The following PDZRN3 variants were observed in gnomAD, a reference collection of about 807,000 sequenced individuals.
PDZRN3 encodes the protein E3 ubiquitin-protein ligase PDZRN3.
PDZRN3 carries 38 observed loss-of-function variants against 85.7 expected under a neutral mutation model. The observed-to-expected ratio is 0.44, with a 90% CI of 0.34 to 0.58. The LOEUF is 0.58. Among genes scored for constraint, PDZRN3 ranks in the 20% least tolerant of loss-of-function variants. The pLI is 0.01. For missense variants in PDZRN3, 1,629 were observed against 1,506.4 expected (o/e 1.08, Z -1.35); for synonymous variants, 759 against 638.0 (o/e 1.19, Z -2.86).
chr3:73,390,892 G>A, intron 6 of PDZRN3, 126 bp downstream of exon 6: 1 of 660,968 alleles, frequency 1.5e-6, no homozygotes, highest in Non-Finnish European at 2.7e-6. Flanking sequence ...GTGTGATGAG[G>A]GGGACAGAAT....
At chr3:73,567,133 A>G (rs1701963180) in intron 3 of PDZRN3, among the ~76,000 whole-genome samples, 1 of 152,324 alleles carries the variant, frequency 6.6e-6, no homozygotes. Context: ...CCAGAACAGA[A>G]TTGTTCTGGT....
At chr3:73,511,157 CT>C (rs1233545023) in intron 3 of PDZRN3, among the ~76,000 whole-genome samples, 1 of 152,102 alleles carries the variant, frequency 6.6e-6, no homozygotes, top group Non-Finnish European at 1.5e-5. Flanking sequence ...CTCTTTCATG[CT>C]TTTCTCTATT....
Position 73,384,864 on chromosome 3 carries a change from C to T in PDZRN3, c.1702G>A (p.Asp568Asn). The T allele has an allele frequency of 6.2e-7, 1 of 1,614,032 alleles. No individual in the cohort carries two copies. Among genetic ancestry groups the T allele is most frequent in the Non-Finnish European group, 8.5e-7 (1 of 1,179,932 alleles). Reference protein sequence around the residue: ...ATILSNQHEKDSGVGRTDEST... With the variant: ...ATILSNQHEKNSGVGRTDEST... The stretch of plus-strand genomic sequence containing the variant: ...TCGTCGGTCCGCCCCACACCGCTGT[C>T]CTTCTCGTGCTGGTTGGACAAGATG... The change falls in exon 10 of 10, where the codon GAC (aspartate) becomes AAC (asparagine). Residue 568 changes from aspartate (D) to asparagine (N), a missense_variant. Coordinates refer to ENST00000263666, the MANE Select transcript of PDZRN3 (RefSeq NM_015009.3).
Position 73,389,867 on chromosome 3 carries a change from G to T in PDZRN3, c.1365C>A (p.Asn455Lys), listed in dbSNP as rs953144011. Residue 455 changes from asparagine (N) to lysine (K), a missense_variant, in exon 7 of 10, where the codon AAC becomes AAA. Transcript: ENST00000263666. Reference protein sequence around the residue: ...IGIYISEIDPNSIAAKDGRIR... With the variant: ...IGIYISEIDPKSIAAKDGRIR... ...TGCGCCCATCCTTGGCTGCAATGCT[G>T]TTAGGGTCAATCTGAAACACACATG... 1.9e-6 allele frequency: 3 copies of T among 1,613,452 alleles called. No homozygotes were observed. Among genetic ancestry groups the T allele is most frequent in the Non-Finnish European group, 2.5e-6 (3 of 1,179,352 alleles).
At chr3:73,475,189 G>A (rs1220433506) in intron 3 of PDZRN3, among the ~76,000 whole-genome samples, 1 of 152,116 alleles carries the variant, frequency 6.6e-6, no homozygotes, top group Non-Finnish European at 1.5e-5. Flanking sequence ...ATTTTCTTCC[G>A]TTTTAATTCA....
rs181033091 is a variant in PDZRN3 at position 73,497,642 on chromosome 3, C to T, written c.919-93247G>A. On this transcript the variant is annotated intron_variant, in intron 3 of 9. Coordinates refer to ENST00000263666, the MANE Select transcript of PDZRN3 (RefSeq NM_015009.3). ...GACAGCGTCCTGAAACTCTACGTAC[C>T]CATCACCCAGCTTAAACAGTTATCA... 1.9e-3 allele frequency among the ~76,000 whole-genome samples: 290 copies of T among 152,294 alleles called. 1 individual carries two copies. The highest frequency in any genetic ancestry group is 5.0e-3 in the South Asian group (24 of 4,820).
At chr3:73,544,279 T>A (rs1701367279) in intron 3 of PDZRN3, among the ~76,000 whole-genome samples, 1 of 152,240 alleles carries the variant, frequency 6.6e-6, no homozygotes, top group Non-Finnish European at 1.5e-5. Context: ...TTTCTACTGT[T>A]ATTCTACTCC....
chr3:73,438,952 G>C (rs11707945), intron 3 of PDZRN3, among the ~76,000 whole-genome samples: 355 of 152,332 alleles, frequency 2.3e-3, no homozygotes, highest in Admixed American at 6.2e-3. Context: ...TCTACACATA[G>C]GCCATGACCT....
intron 3 of PDZRN3, among the ~76,000 whole-genome samples, chr3:73,574,465 G>GT (rs1702091268): frequency 1.4e-5 from 2 of 138,750 alleles, no homozygotes; most frequent in East Asian, 2.2e-4. Flanking sequence ...GGTGGGGGGG[G>GT]TGGGGAGGGC....
At chr3:73,398,247 C>G (rs541389783) in intron 5 of PDZRN3, among the ~76,000 whole-genome samples, 1 of 152,270 alleles carries the variant, frequency 6.6e-6, no homozygotes, top group East Asian at 1.9e-4. Context: ...TAATGTTACA[C>G]TGCAGGGACA....
intron 3 of PDZRN3, among the ~76,000 whole-genome samples, chr3:73,421,957 A>G (rs1702213079): frequency 6.6e-6 from 1 of 152,108 alleles, no homozygotes; most frequent in East Asian, 1.9e-4. Flanking sequence ...AAGTACTTCC[A>G]TTTTACAGAG....
In PDZRN3 at chr3:73,424,943, C is replaced by T. The variant is rs543069964; in HGVS notation, c.919-20548G>A. 3.3e-5 allele frequency among the ~76,000 whole-genome samples: 5 copies of T among 152,220 alleles called. No individual in the cohort carries two copies. The East Asian group carries it at 9.7e-4, about 29-fold the overall frequency. On this transcript the variant is annotated intron_variant, in intron 3 of 9. Coordinates refer to ENST00000263666, the MANE Select transcript of PDZRN3 (RefSeq NM_015009.3). ...ACCATAATGATGGAAAGCAATTTGA[C>T]ACTAGTAGAACTGAAGAGGCACATA...
At chr3:73,494,292 G>A (rs1171391198) in intron 3 of PDZRN3, among the ~76,000 whole-genome samples, 1 of 152,222 alleles carries the variant, frequency 6.6e-6, no homozygotes, top group African/African-American at 2.4e-5. Flanking sequence ...CATTATCTCT[G>A]TAATAGTAGT....
chr3:73,537,236 G>A (rs1704808311), intron 3 of PDZRN3, among the ~76,000 whole-genome samples: 1 of 152,182 alleles, frequency 6.6e-6, no homozygotes, highest in African/African-American at 2.4e-5. Flanking sequence ...GAAAGATTCA[G>A]AGATCCTAGG....
chr3:73,468,177 C>A (rs1703260400), intron 3 of PDZRN3, among the ~76,000 whole-genome samples: 1 of 151,984 alleles, frequency 6.6e-6, no homozygotes, highest in African/African-American at 2.4e-5. Flanking sequence ...GGAAGCTGTG[C>A]TATGGAAGCA....
chr3:73,416,331 C>G (rs1207984041), intron 3 of PDZRN3, among the ~76,000 whole-genome samples: 3 of 152,004 alleles, frequency 2.0e-5, no homozygotes, highest in Admixed American at 6.6e-5. Flanking sequence ...GGTCTCAAGA[C>G]AAAGCAAATG....
At chr3:73,599,191 C>T (rs1702474548) in intron 3 of PDZRN3, among the ~76,000 whole-genome samples, 1 of 152,190 alleles carries the variant, frequency 6.6e-6, no homozygotes. Context: ...AAGGTTAAAG[C>T]AACCCAAGTG....
chr3:73,393,480 AC>A (rs1175267410), intron 5 of PDZRN3, among the ~76,000 whole-genome samples: 18 of 152,332 alleles, frequency 1.2e-4, no homozygotes, highest in African/African-American at 4.1e-4. Flanking sequence ...TGATTAGCAG[AC>A]TTGTCTCACT....
chr3:73,385,787 T>C lies in PDZRN3; in HGVS notation c.1519-2A>G. On this transcript the variant is annotated splice_acceptor_variant, in intron 8 of 9. Coordinates refer to ENST00000263666, the MANE Select transcript of PDZRN3 (RefSeq NM_015009.3). LOFTEE classifies it high-confidence loss of function. Reference sequence around the variant, plus strand: ...ATCATCCATCCAGCCCTCATCCAGCTGCAGGCAAGAGCAGCCAACACATGC... The same window carrying C: ...ATCATCCATCCAGCCCTCATCCAGCCGCAGGCAAGAGCAGCCAACACATGC... 1 of 1,582,282 alleles carries C rather than the reference T, an allele frequency of 6.3e-7. No homozygotes were observed. The highest frequency in any genetic ancestry group is 8.7e-7 in the Non-Finnish European group (1 of 1,151,080).
Sources: allele counts gnomAD v4.1 joint callset (sites outside exome capture counted in the v4.1 genomes callset), GRCh38; gene constraint gnomAD v4.1.1; transcripts MANE v1.5; gene names NCBI Gene and HGNC (gene_info 2026-07-23, HGNC 2026-07-21).